SPEN: variants seen among roughly 807,000 people sequenced by gnomAD.
SPEN encodes msx2-interacting protein.
Under a neutral mutation model 269.9 loss-of-function variants are expected in SPEN, and 18 were observed. That is an observed-to-expected ratio of 0.07 (90% CI 0.05 to 0.10). The LOEUF is 0.10. Ranked by LOEUF, SPEN falls within the 10% of genes least tolerant of loss-of-function variation. The probability of loss-of-function intolerance (pLI) is 1.00; values close to 1 mark genes in which losing one functional copy is unlikely to be tolerated. For missense variants in SPEN, 3,822 were observed against 4,631.2 expected, an observed-to-expected ratio of 0.83 and a Z score of 5.07; for synonymous variants, 1,726 against 1,765.7, an observed-to-expected ratio of 0.98 and a Z score of 0.56.
At chr1:15,863,225 G>A (rs2070465429) in intron 1 of SPEN, among the ~76,000 whole-genome samples, 1 of 152,016 alleles carries the variant, frequency 6.6e-6, no homozygotes, top group South Asian at 2.1e-4. Context: ...CTCCAGCCTG[G>A]GTGACAGTGA....
chr1:15,889,566 T>G (rs1299421224), intron 3 of SPEN, among the ~76,000 whole-genome samples: 1 of 152,194 alleles, frequency 6.6e-6, no homozygotes, highest in Non-Finnish European at 1.5e-5. Context: ...TGAATTGGCT[T>G]CAAAGGGTAG....
intron 5 of SPEN, among the ~76,000 whole-genome samples, chr1:15,915,791 G>A (rs2071061918): frequency 1.3e-5 from 2 of 152,026 alleles, no homozygotes; most frequent in African/African-American, 2.4e-5. Context: ...CTCCCACCTT[G>A]ACATCTTAAA....
At chr1:15,869,805 A>G (rs1325582808) in intron 1 of SPEN, among the ~76,000 whole-genome samples, 1 of 150,830 alleles carries the variant, frequency 6.6e-6, no homozygotes, top group Admixed American at 6.6e-5. Flanking sequence ...TTCATCTCTC[A>G]TGACTTTTTC....
intron 10 of SPEN, among the ~76,000 whole-genome samples, chr1:15,925,557 CT>C (rs79557124): frequency 0.062 from 9,409 of 151,430 alleles, 409 homozygotes; most frequent in Admixed American, 0.12. Context: ...CCTTCCAAAA[CT>C]TTTTTTAATA....
At chr1:15,884,910 A>G (rs1311146102) in intron 3 of SPEN, among the ~76,000 whole-genome samples, 1 of 151,950 alleles carries the variant, frequency 6.6e-6, no homozygotes, top group Non-Finnish European at 1.5e-5. Flanking sequence ...ATTTTTTAAT[A>G]AAGATGGGTT....
Position 15,932,512 on chromosome 1 carries a change from C to T in SPEN, c.6272C>T (p.Ala2091Val). The T allele has an allele frequency of 1.2e-6, 2 of 1,602,328 alleles. No homozygotes were observed. The highest frequency in any genetic ancestry group is 8.5e-7 in the Non-Finnish European group (1 of 1,173,104). The change falls in exon 11 of 15, where the codon GCA (alanine) becomes GTA (valine). Residue 2091 changes from alanine to valine, a missense_variant. Transcript: ENST00000375759. This position sits in a 1 kb window ranked among gnomAD's most constrained non-coding sequence, Gnocchi z 4.2. ...TCCAGGTTAGCAGTGGACAAATCTG[C>T]AAGTCTGAAAAATGTGGATGCTGCT... ...RNSRLAVDKS[A>V]SLKNVDAAVS...
At chr1:15,872,088 A>G (rs958787368) in intron 1 of SPEN, among the ~76,000 whole-genome samples, 13 of 151,848 alleles carry the variant, frequency 8.6e-5, no homozygotes, top group Non-Finnish European at 1.3e-4. Context: ...TACAAAAAAC[A>G]TTAGTTGGGT....
Position 15,896,447 on chromosome 1 carries a change from C to T in SPEN, c.882-12874C>T, listed in dbSNP as rs375669639. Among the ~76,000 whole-genome samples the T allele has an allele frequency of 1.4e-4, 21 of 152,094 alleles. No homozygotes were observed. The East Asian group carries it at 1.7e-3, about 13-fold the overall frequency. On this transcript the variant is annotated intron_variant, in intron 3 of 14. Transcript: ENST00000375759. ...CTGACCTCAGGTTATCCACCCTCCT[C>T]GGCCTCCCAAAGTGCTGGGGTTACA...
intron 6 of SPEN, among the ~76,000 whole-genome samples, chr1:15,916,929 C>A (rs2235740): frequency 0.15 from 23,498 of 151,990 alleles, 2,082 homozygotes; most frequent in Admixed American, 0.26. Flanking sequence ...GAAGTTTAAG[C>A]CCAGCCTGGG....
chr1:15,905,880 A>G (rs757558674), intron 3 of SPEN, among the ~76,000 whole-genome samples: 2 of 152,100 alleles, frequency 1.3e-5, no homozygotes, highest in Non-Finnish European at 2.9e-5. Flanking sequence ...GCCCTTGTTA[A>G]TGATTTCAAT....
chr1:15,897,866 A>G (rs1327383964), intron 3 of SPEN, among the ~76,000 whole-genome samples: 1 of 152,182 alleles, frequency 6.6e-6, no homozygotes, highest in Non-Finnish European at 1.5e-5. Flanking sequence ...AAGAGTTTAG[A>G]TCGCTTTTCA....
chr1:15,850,209 CGAGCT>C (rs2070320409), intron 1 of SPEN, among the ~76,000 whole-genome samples: 1 of 152,068 alleles, frequency 6.6e-6, no homozygotes, highest in South Asian at 2.1e-4. Flanking sequence ...GCGGAGGATT[CGAGCT>C]GCCTTGGAAA....
At chr1:15,904,891 CTT>C (rs869308621) in intron 3 of SPEN, among the ~76,000 whole-genome samples, 8 of 144,214 alleles carry the variant, frequency 5.5e-5, no homozygotes, top group East Asian at 2.0e-4. Flanking sequence ...TTGTCTCTCT[CTT>C]TTTTTTTTTT....
intron 3 of SPEN, among the ~76,000 whole-genome samples, chr1:15,894,533 G>GTTGTTTT (rs2070820403): frequency 7.4e-6 from 1 of 136,014 alleles, no homozygotes; most frequent in African/African-American, 3.0e-5. Flanking sequence ...CCATATTATG[G>GTTGTTTT]TTGTTTTTTT....
At chr1:15,859,781 C>T (rs1191629278) in intron 1 of SPEN, among the ~76,000 whole-genome samples, 3 of 151,794 alleles carry the variant, frequency 2.0e-5, no homozygotes, top group African/African-American at 7.3e-5. Context: ...GAGGACTTTT[C>T]CTAAAAAGAC....
At chr1:15,902,576 G>A (rs1440578820) in intron 3 of SPEN, among the ~76,000 whole-genome samples, 1 of 152,184 alleles carries the variant, frequency 6.6e-6, no homozygotes, top group Non-Finnish European at 1.5e-5. Flanking sequence ...TTTGGAGGCC[G>A]AGGTGGGAAG....
At chr1:15,856,087 G>T (rs2070384025) in intron 1 of SPEN, among the ~76,000 whole-genome samples, 1 of 146,862 alleles carries the variant, frequency 6.8e-6, no homozygotes, top group South Asian at 2.2e-4. Flanking sequence ...CCACCTCCTG[G>T]GTTCACACCA....
chr1:15,919,119 T>C (rs941519411), intron 7 of SPEN, 68 bp downstream of exon 7: 1 of 1,398,532 alleles, frequency 7.2e-7, no homozygotes, highest in Non-Finnish European at 9.8e-7. Context: ...TGAAGGGTTT[T>C]TTTTTTGCAT....
chr1:15,877,934 G>A (rs1362067181), intron 3 of SPEN, among the ~76,000 whole-genome samples: 4 of 151,608 alleles, frequency 2.6e-5, no homozygotes, highest in Admixed American at 2.0e-4. Flanking sequence ...TAGTAGAAAC[G>A]GGGTTTTACC....
Sources: allele counts gnomAD v4.1 joint callset (sites outside exome capture counted in the v4.1 genomes callset), GRCh38; gene constraint gnomAD v4.1.1; non-coding constraint Gnocchi (gnomAD v3.1); transcripts MANE v1.5; gene names NCBI Gene and HGNC (gene_info 2026-07-23, HGNC 2026-07-21).